Variants in FOXP2 observed in about 807,000 individuals in gnomAD.
The protein encoded by FOXP2 is forkhead box P2.
A neutral mutation model predicts 115.8 loss-of-function variants in FOXP2; 12 were observed. That is an observed-to-expected ratio of 0.10 (90% CI 0.07 to 0.17). The LOEUF (loss-of-function observed/expected upper bound fraction) is 0.17, where lower values mean the gene tolerates loss of function less well. FOXP2 is among the 10% of genes least tolerant of loss of function. FOXP2 has a pLI of 1.00. For missense variants in FOXP2, 629 were observed against 843.5 expected (o/e 0.75, Z 3.15); for synonymous variants, 328 against 297.7 (o/e 1.10, Z -1.05).
chr7:114,443,205 C>T (rs796068434), intron 2 of FOXP2, among the ~76,000 whole-genome samples: 106 of 152,214 alleles, frequency 7.0e-4, no homozygotes, highest in African/African-American at 2.4e-3. Flanking sequence ...TATGTACTGT[C>T]TCTACAATAT....
At chr7:114,375,233 T>C (rs1358294870) in intron 2 of FOXP2, among the ~76,000 whole-genome samples, 1 of 152,204 alleles carries the variant, frequency 6.6e-6, no homozygotes, top group East Asian at 1.9e-4. Context: ...ACTCCATTAG[T>C]CATTTGGAAC....
At chr7:114,509,850 A>G (rs1352111071) in intron 2 of FOXP2, among the ~76,000 whole-genome samples, 1 of 151,972 alleles carries the variant, frequency 6.6e-6, no homozygotes, top group African/African-American at 2.4e-5. Context: ...CAAGATCATG[A>G]GTCTGAGTAA....
intron 1 of FOXP2, among the ~76,000 whole-genome samples, chr7:114,113,963 C>A (rs1410477700): frequency 6.6e-6 from 1 of 152,034 alleles, no homozygotes; most frequent in Non-Finnish European, 1.5e-5. Flanking sequence ...TATGCTACTA[C>A]ATCAATGTGA....
chr7:114,366,114 T>C (rs536093446), intron 2 of FOXP2, among the ~76,000 whole-genome samples: 2 of 152,244 alleles, frequency 1.3e-5, no homozygotes, highest in African/African-American at 2.4e-5. Flanking sequence ...GTAGAACTCA[T>C]GCTCAAGGAA....
intron 3 of FOXP2, among the ~76,000 whole-genome samples, chr7:114,550,167 G>T (rs1358628909): frequency 2.1e-5 from 3 of 146,332 alleles, no homozygotes; most frequent in African/African-American, 7.8e-5. Flanking sequence ...GCCCAGGCTG[G>T]AGTGCAGTGG....
intron 1 of FOXP2, among the ~76,000 whole-genome samples, chr7:114,266,241 A>T (rs887112122): frequency 6.6e-6 from 1 of 152,112 alleles, no homozygotes; most frequent in Non-Finnish European, 1.5e-5. Flanking sequence ...CCTATTACCC[A>T]GTTCCAAAGT....
chr7:114,585,543 A>G (rs1802090746), intron 3 of FOXP2, among the ~76,000 whole-genome samples: 1 of 151,774 alleles, frequency 6.6e-6, no homozygotes, highest in Non-Finnish European at 1.5e-5. Context: ...TTAAAATTTA[A>G]GAAGCACTGT....
chr7:114,425,908 T>C (rs1793824540), intron 1 of FOXP2, among the ~76,000 whole-genome samples: 1 of 151,694 alleles, frequency 6.6e-6, no homozygotes, highest in Non-Finnish European at 1.5e-5. Flanking sequence ...AGGAGCTTTT[T>C]CTTAAAATGC....
chr7:114,637,934 A>T (rs1805313253), intron 6 of FOXP2, among the ~76,000 whole-genome samples: 1 of 152,146 alleles, frequency 6.6e-6, no homozygotes, highest in East Asian at 1.9e-4. Flanking sequence ...GTATTAGATT[A>T]GATATCATAT....
chr7:114,177,092 A>G (rs1793336314), intron 1 of FOXP2, among the ~76,000 whole-genome samples: 2 of 152,038 alleles, frequency 1.3e-5, no homozygotes, highest in African/African-American at 4.8e-5. Flanking sequence ...CATTCATTCT[A>G]TTTGGGGGCA....
intron 1 of FOXP2, among the ~76,000 whole-genome samples, chr7:114,423,125 C>A (rs1428663860): frequency 6.6e-6 from 1 of 151,684 alleles, no homozygotes; most frequent in African/African-American, 2.4e-5. Flanking sequence ...CAATTTGAAA[C>A]ATGTCAAACA....
chr7:114,329,109 C>T (rs1442465704), intron 2 of FOXP2, among the ~76,000 whole-genome samples: 1 of 152,030 alleles, frequency 6.6e-6, no homozygotes, highest in Non-Finnish European at 1.5e-5. Flanking sequence ...AAAAATGGAT[C>T]GAGTATTGAT....
At chr7:114,295,055 T>TGAGAGTTTATGTTTATAGTTTTAAAC (rs1796709268) in intron 2 of FOXP2, among the ~76,000 whole-genome samples, 1 of 152,154 alleles carries the variant, frequency 6.6e-6, no homozygotes, top group African/African-American at 2.4e-5. Flanking sequence ...TATTTTTAAA[T>TGAGAGTTTATGTTTATAGTTTTAAAC]GAGAGTTTAT....
At chr7:114,345,453 A>G (rs969376177) in intron 2 of FOXP2, among the ~76,000 whole-genome samples, 26 of 151,796 alleles carry the variant, frequency 1.7e-4, no homozygotes, top group African/African-American at 6.0e-4. Flanking sequence ...ACTTCTTTCA[A>G]GGTAGTGGTT....
At chr7:114,111,057 A>T (rs1791255891) in intron 1 of FOXP2, among the ~76,000 whole-genome samples, 1 of 152,122 alleles carries the variant, frequency 6.6e-6, no homozygotes, top group South Asian at 2.1e-4. Context: ...GTATCAGAGG[A>T]TTAGAAGAAG....
At chr7:114,363,566 A>G (rs988191900) in intron 2 of FOXP2, among the ~76,000 whole-genome samples, 5 of 152,144 alleles carry the variant, frequency 3.3e-5, no homozygotes, top group Admixed American at 3.3e-4. Context: ...ATGACAGACA[A>G]ATATGCACAG....
At chr7:114,635,234 T>C (rs1805153200) in intron 6 of FOXP2, among the ~76,000 whole-genome samples, 1 of 152,220 alleles carries the variant, frequency 6.6e-6, no homozygotes, top group South Asian at 2.1e-4. Flanking sequence ...CATTCTATGC[T>C]TATGGAAGTC....
intron 1 of FOXP2, among the ~76,000 whole-genome samples, chr7:114,163,844 G>T (rs1792901674): frequency 6.6e-6 from 1 of 152,176 alleles, no homozygotes; most frequent in Non-Finnish European, 1.5e-5. Flanking sequence ...TATAATGGTT[G>T]TGATATACTG....
intron 1 of FOXP2, among the ~76,000 whole-genome samples, chr7:114,211,828 T>C (rs902931430): frequency 6.6e-6 from 1 of 152,116 alleles, no homozygotes; most frequent in Non-Finnish European, 1.5e-5. Flanking sequence ...ATCCCAGCAC[T>C]TTGGGAGGCC....
Sources: gnomAD v4.1 joint callset for allele counts (sites outside exome capture counted in the v4.1 genomes callset) on GRCh38, gnomAD v4.1.1 for gene constraint, MANE v1.5 for transcripts, NCBI Gene and HGNC (gene_info 2026-07-23, HGNC 2026-07-21) for gene names.